The following MED27 variants were observed in gnomAD, a reference collection of about 807,000 sequenced individuals.
The protein encoded by MED27 is mediator of RNA polymerase II transcription subunit 27.
MED27 carries 30 observed loss-of-function variants against 38.2 expected under a neutral mutation model. The observed-to-expected ratio is 0.79, with a 90% CI of 0.59 to 1.07. The LOEUF is 1.07. MED27 is among the 50% of genes least tolerant of loss of function. MED27 has a pLI of 0.00. For synonymous variants in MED27, 122 were observed against 153.5 expected (o/e 0.79, Z 1.52); for missense variants, 289 against 397.5 (o/e 0.73, Z 2.32).
In MED27 at chr9:132,045,214, G is replaced by C. The variant is rs531556485; in HGVS notation, c.349-30747C>G. On this transcript the variant is annotated intron_variant, in intron 2 of 7. Transcript: ENST00000292035. ...TATATGTACCAAGTATGCCAAGATA[G>C]ATACTCAAGATTGTTCCCTGCAGGC... is the stretch of plus-strand genomic sequence containing the variant. 5.9e-5 allele frequency among the ~76,000 whole-genome samples: 9 copies of C among 152,208 alleles called. No homozygotes were observed. The East Asian group carries it at 1.7e-3, about 29-fold the overall frequency.
intron 5 of MED27, among the ~76,000 whole-genome samples, chr9:131,891,625 C>T (rs1197284484): frequency 1.3e-5 from 2 of 152,120 alleles, no homozygotes; most frequent in Non-Finnish European, 2.9e-5. Context: ...TGCTTTCTGC[C>T]TAACATCTAT....
At chr9:132,002,214 A>G (rs973574769) in intron 3 of MED27, among the ~76,000 whole-genome samples, 1 of 152,188 alleles carries the variant, frequency 6.6e-6, no homozygotes, top group Non-Finnish European at 1.5e-5. Flanking sequence ...ACTGCCTCCA[A>G]ACACAAAGAA....
At chr9:132,046,028 C>G (rs948965104) in intron 2 of MED27, among the ~76,000 whole-genome samples, 2 of 152,244 alleles carry the variant, frequency 1.3e-5, no homozygotes, top group African/African-American at 4.8e-5. Flanking sequence ...CCTGGAAATA[C>G]AGAGCTCCCA....
intron 3 of MED27, among the ~76,000 whole-genome samples, chr9:132,000,072 A>G (rs1230094946): frequency 1.1e-4 from 8 of 73,274 alleles, no homozygotes; most frequent in East Asian, 3.8e-4. Context: ...TCTCAAAAGT[A>G]AAATCACTTT....
intron 6 of MED27, among the ~76,000 whole-genome samples, chr9:131,866,233 C>A (rs1435703582): frequency 6.6e-6 from 1 of 152,246 alleles, no homozygotes; most frequent in Non-Finnish European, 1.5e-5. Flanking sequence ...CCTTCCTCAG[C>A]TGACCTCTGG....
At chr9:132,022,887 T>C (rs749102141) in intron 2 of MED27, among the ~76,000 whole-genome samples, 5 of 152,082 alleles carry the variant, frequency 3.3e-5, no homozygotes, top group Non-Finnish European at 7.4e-5. Flanking sequence ...ATCATGAGAA[T>C]AGCATGGGGG....
chr9:132,073,072 C>G (rs1833976537), intron 2 of MED27, among the ~76,000 whole-genome samples: 1 of 152,050 alleles, frequency 6.6e-6, no homozygotes, highest in African/African-American at 2.4e-5. Context: ...TCCACCAAGT[C>G]CCATTAGAAG....
At chr9:132,027,761 C>T (rs1435706950) in intron 2 of MED27, among the ~76,000 whole-genome samples, 1 of 152,208 alleles carries the variant, frequency 6.6e-6, no homozygotes, top group Non-Finnish European at 1.5e-5. Context: ...AATTTGATTA[C>T]AGGGTACTGC....
At chr9:131,979,447 C>T (rs1193614209) in intron 3 of MED27, among the ~76,000 whole-genome samples, 3 of 143,612 alleles carry the variant, frequency 2.1e-5, no homozygotes, top group Non-Finnish European at 3.0e-5. Context: ...AACTAAGTCA[C>T]ACTACTTATT....
intron 3 of MED27, among the ~76,000 whole-genome samples, chr9:131,969,606 G>A (rs556777950): frequency 2.0e-5 from 3 of 152,178 alleles, no homozygotes; most frequent in East Asian, 1.9e-4. Flanking sequence ...ATACTAGGCC[G>A]CTGCTATTCT....
intron 4 of MED27, among the ~76,000 whole-genome samples, chr9:131,935,887 T>C (rs930437212): frequency 1.3e-5 from 2 of 152,034 alleles, no homozygotes; most frequent in Non-Finnish European, 2.9e-5. Flanking sequence ...CAGTGGCTCA[T>C]ATCTGTAATC....
At chr9:131,987,659 G>A (rs898172362) in intron 3 of MED27, among the ~76,000 whole-genome samples, 1 of 152,042 alleles carries the variant, frequency 6.6e-6, no homozygotes, top group African/African-American at 2.4e-5. Context: ...TCAATTTTCT[G>A]TCTCCTCTTG....
intron 4 of MED27, among the ~76,000 whole-genome samples, chr9:131,906,975 A>T (rs1327247453): frequency 6.6e-6 from 1 of 152,184 alleles, no homozygotes; most frequent in Non-Finnish European, 1.5e-5. Context: ...GGGCATTTGT[A>T]AACTGTCATG....
chr9:131,876,006 C>A (rs926051246), intron 6 of MED27, among the ~76,000 whole-genome samples: 1 of 152,218 alleles, frequency 6.6e-6, no homozygotes, highest in South Asian at 2.1e-4. Flanking sequence ...TGGCTCTTAG[C>A]CACTCTGCTA....
intron 3 of MED27, among the ~76,000 whole-genome samples, chr9:132,006,036 A>G (rs1166779127): frequency 6.6e-6 from 1 of 152,096 alleles, no homozygotes; most frequent in African/African-American, 2.4e-5. Context: ...TCTTTATTAC[A>G]TAGCCTCTCT....
intron 2 of MED27, among the ~76,000 whole-genome samples, chr9:132,063,957 G>C (rs1282565822): frequency 1.3e-5 from 2 of 152,198 alleles, no homozygotes; most frequent in African/African-American, 4.8e-5. Flanking sequence ...GACACCGGAA[G>C]GAAAACGCAC....
chr9:131,908,234 C>T (rs1156537001), intron 4 of MED27, among the ~76,000 whole-genome samples: 10 of 148,648 alleles, frequency 6.7e-5, no homozygotes, highest in African/African-American at 2.5e-4. Context: ...CGGCCAGCCG[C>T]CCCGTCCGGG....
chr9:131,963,129 A>G (rs1831253329), intron 3 of MED27, among the ~76,000 whole-genome samples: 1 of 152,216 alleles, frequency 6.6e-6, no homozygotes, highest in Non-Finnish European at 1.5e-5. Flanking sequence ...TCCAAGCCAT[A>G]CATCATTTTC....
chr9:131,984,890 A>G (rs558432301), intron 3 of MED27, among the ~76,000 whole-genome samples: 171 of 151,962 alleles, frequency 1.1e-3, no homozygotes, highest in Middle Eastern at 6.8e-3. Flanking sequence ...CATTTATACC[A>G]TATGCCTTGA....
Sources: allele counts gnomAD v4.1 joint callset (sites outside exome capture counted in the v4.1 genomes callset), GRCh38; gene constraint gnomAD v4.1.1; transcripts MANE v1.5; gene names NCBI Gene and HGNC (gene_info 2026-07-23, HGNC 2026-07-21).